The following MGAT4C variants were observed in gnomAD, a reference collection of about 807,000 sequenced individuals.
MGAT4C encodes the protein alpha-1,3-mannosyl-glycoprotein 4-beta-N-acetylglucosaminyltransferase C.
MGAT4C carries 19 observed loss-of-function variants against 40.1 expected under a neutral mutation model. The observed-to-expected ratio is 0.47, with a 90% CI of 0.33 to 0.70. The LOEUF (loss-of-function observed/expected upper bound fraction) is 0.70. Among genes scored for constraint, MGAT4C ranks in the 30% least tolerant of loss-of-function variants. The probability of loss-of-function intolerance (pLI) is 0.02; values close to 1 mark genes in which losing one functional copy is unlikely to be tolerated. For missense variants in MGAT4C, 491 were observed against 563.2 expected, an observed-to-expected ratio of 0.87 and a Z score of 1.30; for synonymous variants, 181 against 187.1, an observed-to-expected ratio of 0.97 and a Z score of 0.27.
chr12:86,287,553 G>C (rs1200694594), intron 4 of MGAT4C, among the ~76,000 whole-genome samples: 1 of 151,948 alleles, frequency 6.6e-6, no homozygotes, highest in Non-Finnish European at 1.5e-5. Context: ...TTCCCTCCCT[G>C]TGTCCATGTG....
At chr12:86,548,084 A>G (rs1283671961) in intron 2 of MGAT4C, among the ~76,000 whole-genome samples, 1 of 152,112 alleles carries the variant, frequency 6.6e-6, no homozygotes, top group East Asian at 1.9e-4. Flanking sequence ...ACATGACTGT[A>G]TGTGTATTTT....
At chr12:86,440,493 A>G (rs1957207447) in intron 2 of MGAT4C, among the ~76,000 whole-genome samples, 1 of 152,002 alleles carries the variant, frequency 6.6e-6, no homozygotes, top group South Asian at 2.1e-4. Context: ...ATAATAAAAA[A>G]CATGTATGAC....
At position 86,740,599 on chromosome 12, in the gene MGAT4C, G is replaced by A. The variant is rs554809942; in HGVS notation, c.-261-13358C>T. On this transcript the variant is annotated intron_variant, in intron 1 of 7. Transcript: ENST00000548651. ...TCTGCACAGTACATCTTTTAGAGTT[G>A]TTTGTACAGTAGAATGTCAATGTAT... Among the ~76,000 whole-genome samples, 34 of 151,284 alleles carry A rather than the reference G, an allele frequency of 2.2e-4. No individual in the cohort carries two copies. The Middle Eastern group carries it at 0.01, about 46-fold the overall frequency.
At chr12:86,613,070 T>C (rs1356753241) in intron 2 of MGAT4C, among the ~76,000 whole-genome samples, 1 of 152,144 alleles carries the variant, frequency 6.6e-6, no homozygotes, top group Admixed American at 6.6e-5. Context: ...TCTATTTTCC[T>C]GTAAATGATA....
chr12:86,550,247 A>C (rs1220106860), intron 2 of MGAT4C, among the ~76,000 whole-genome samples: 4 of 152,176 alleles, frequency 2.6e-5, no homozygotes, highest in Non-Finnish European at 5.9e-5. Context: ...TTTCCTTTAT[A>C]AACTACCCTG....
At chr12:86,674,525 G>A (rs1198930093) in intron 2 of MGAT4C, among the ~76,000 whole-genome samples, 2 of 151,804 alleles carry the variant, frequency 1.3e-5, no homozygotes, top group Admixed American at 6.6e-5. Context: ...GTGAAACCCC[G>A]TCTTTACTAA....
At chr12:86,004,375 G>A (rs1312321211) in intron 2 of MGAT4C, among the ~76,000 whole-genome samples, 2 of 152,018 alleles carry the variant, frequency 1.3e-5, no homozygotes, top group East Asian at 3.9e-4. Flanking sequence ...ATTATTGTAT[G>A]CCTCAAAAAT....
intron 1 of MGAT4C, among the ~76,000 whole-genome samples, chr12:86,140,631 T>A (rs927195219): frequency 1.8e-4 from 27 of 152,092 alleles, no homozygotes; most frequent in Non-Finnish European, 3.5e-4. Flanking sequence ...TCTGCACATG[T>A]CCCAGAGAAC....
chr12:86,451,751 C>T (rs1373661728), intron 2 of MGAT4C, among the ~76,000 whole-genome samples: 3 of 152,060 alleles, frequency 2.0e-5, no homozygotes, highest in Non-Finnish European at 4.4e-5. Context: ...TAAGATTATA[C>T]ATTAATGCTC....
chr12:86,571,036 A>G (rs926915776), intron 2 of MGAT4C, among the ~76,000 whole-genome samples: 2 of 152,072 alleles, frequency 1.3e-5, no homozygotes, highest in East Asian at 3.9e-4. Flanking sequence ...GCTGGTTTCG[A>G]ACTCCTGACC....
intron 1 of MGAT4C, among the ~76,000 whole-genome samples, chr12:86,828,519 G>C (rs895107259): frequency 6.6e-6 from 1 of 151,280 alleles, no homozygotes; most frequent in African/African-American, 2.4e-5. Context: ...AACATTAGTT[G>C]GTTTTGAAAC....
intron 2 of MGAT4C, among the ~76,000 whole-genome samples, chr12:86,595,312 C>T (rs1017006675): frequency 2.0e-5 from 3 of 152,028 alleles, no homozygotes; most frequent in East Asian, 3.9e-4. Context: ...GGGAGGATAA[C>T]CTGAGGTCAG....
rs142435550 is a variant in MGAT4C at position 86,764,014 on chromosome 12, G to C, written c.-261-36773C>G. Among the ~76,000 whole-genome samples the C allele has an allele frequency of 9.5e-3, 1,443 of 152,176 alleles. 11 individuals are homozygous for C. The highest frequency in any genetic ancestry group is 0.017 in the Middle Eastern group (5 of 294). On this transcript the variant is annotated intron_variant, in intron 1 of 7. Coordinates refer to the MGAT4C transcript ENST00000548651. The stretch of plus-strand genomic sequence containing the variant: ...CTAGGGAGTGCCAGACAGTTGGTGC[G>C]GGGCAGTGGGTGGGTGCACCGTGCA...
chr12:86,352,316 A>G (rs1006587838), intron 3 of MGAT4C, among the ~76,000 whole-genome samples: 1 of 152,086 alleles, frequency 6.6e-6, no homozygotes, highest in African/African-American at 2.4e-5. Context: ...AAACTTTGAC[A>G]TCCTTGAAAA....
At chr12:86,247,684 G>A (rs1566217662) in intron 1 of MGAT4C, among the ~76,000 whole-genome samples, 3 of 152,170 alleles carry the variant, frequency 2.0e-5, no homozygotes. Context: ...CTGCTAGCCA[G>A]ACAGAATGGC....
intron 2 of MGAT4C, among the ~76,000 whole-genome samples, chr12:86,510,955 A>G (rs1958570640): frequency 6.6e-6 from 1 of 151,960 alleles, no homozygotes; most frequent in Non-Finnish European, 1.5e-5. Context: ...CAACAAGGAT[A>G]CCCAGGAATT....
chr12:86,467,118 C>T (rs1004048655), intron 2 of MGAT4C, among the ~76,000 whole-genome samples: 1 of 151,982 alleles, frequency 6.6e-6, no homozygotes, highest in Non-Finnish European at 1.5e-5. Flanking sequence ...ACTTATAGTC[C>T]TTGAAGCTCC....
At chr12:86,297,163 T>C (rs1463424747) in intron 4 of MGAT4C, among the ~76,000 whole-genome samples, 2 of 152,224 alleles carry the variant, frequency 1.3e-5, no homozygotes, top group East Asian at 1.9e-4. Flanking sequence ...AGTAATACTT[T>C]ATTTTCACCA....
At chr12:86,681,515 T>C (rs1949980520) in intron 2 of MGAT4C, among the ~76,000 whole-genome samples, 1 of 151,800 alleles carries the variant, frequency 6.6e-6, no homozygotes. Context: ...ACCCACTCAC[T>C]CACTTATTCA....
Sources: gnomAD v4.1 joint callset for allele counts (sites outside exome capture counted in the v4.1 genomes callset) on GRCh38, gnomAD v4.1.1 for gene constraint, MANE v1.5 for transcripts, NCBI Gene and HGNC (gene_info 2026-07-23, HGNC 2026-07-21) for gene names.